Variants in LDLRAD3 observed in about 807,000 individuals in gnomAD.
The protein encoded by LDLRAD3 is low density lipoprotein receptor class A domain containing 3.
LDLRAD3 carries 20 observed loss-of-function variants against 29.4 expected under a neutral mutation model. That is an observed-to-expected ratio of 0.68 (90% confidence interval 0.48 to 0.99). LDLRAD3 has a LOEUF of 0.99. Ranked by LOEUF, LDLRAD3 falls within the 50% of genes least tolerant of loss-of-function variation. LDLRAD3 has a pLI of 0.00. For synonymous variants in LDLRAD3, 157 were observed against 192.7 expected (o/e 0.81, Z 1.53); for missense variants, 420 against 454.3 (o/e 0.92, Z 0.69).
intron 2 of LDLRAD3, among the ~76,000 whole-genome samples, chr11:36,039,854 T>C (rs562444102): frequency 1.3e-5 from 2 of 152,320 alleles, no homozygotes; most frequent in South Asian, 4.1e-4. Context: ...AAAGAACTTA[T>C]GCATAACCAG....
chr11:36,122,560 G>A (rs1252876560), intron 4 of LDLRAD3, among the ~76,000 whole-genome samples: 2 of 152,126 alleles, frequency 1.3e-5, no homozygotes, highest in Non-Finnish European at 1.5e-5. Context: ...TGACGATGAT[G>A]ATAACAATAA....
chr11:36,221,539 A>C (rs941781326), intron 4 of LDLRAD3, among the ~76,000 whole-genome samples: 2 of 152,162 alleles, frequency 1.3e-5, no homozygotes, highest in African/African-American at 2.4e-5. Flanking sequence ...GCAGTGGCAC[A>C]TGCTGCAATC....
intron 2 of LDLRAD3, among the ~76,000 whole-genome samples, chr11:36,068,547 C>T (rs1852835789): frequency 6.6e-6 from 1 of 152,100 alleles, no homozygotes; most frequent in Non-Finnish European, 1.5e-5. Flanking sequence ...GACAGAGTCT[C>T]ACTCTGTCAC....
chr11:35,961,735 T>A (rs1851280326), intron 1 of LDLRAD3, among the ~76,000 whole-genome samples: 1 of 152,216 alleles, frequency 6.6e-6, no homozygotes, highest in South Asian at 2.1e-4. Context: ...ACAATGAGAA[T>A]ATTAAAATTT....
At chr11:36,140,338 C>G (rs1222289895) in intron 4 of LDLRAD3, among the ~76,000 whole-genome samples, 1 of 152,032 alleles carries the variant, frequency 6.6e-6, no homozygotes, top group African/African-American at 2.4e-5. Flanking sequence ...TACGCTCATT[C>G]ATATCCTCAT....
At chr11:36,168,498 C>CTTTTTTTTTTTTTTTTTT (rs5791083) in intron 4 of LDLRAD3, among the ~76,000 whole-genome samples, 12 of 115,778 alleles carry the variant, frequency 1.0e-4, no homozygotes, top group Non-Finnish European at 1.6e-4. Flanking sequence ...TTTCTTTCTT[C>CTTTTTTTTTTTTTTTTTT]TTTTTTTTTT....
intron 4 of LDLRAD3, among the ~76,000 whole-genome samples, chr11:36,198,858 C>G (rs1471544044): frequency 6.6e-6 from 1 of 152,146 alleles, no homozygotes; most frequent in Admixed American, 6.5e-5. Context: ...TCTGTTTACA[C>G]ATTTGGAGGA....
chr11:36,018,567 T>C (rs1232093359), intron 1 of LDLRAD3, among the ~76,000 whole-genome samples: 2 of 152,218 alleles, frequency 1.3e-5, no homozygotes, highest in African/African-American at 4.8e-5. Context: ...CAGCCTTTTA[T>C]GTGTTTCTCC....
At chr11:35,963,919 A>G (rs1851308427) in intron 1 of LDLRAD3, among the ~76,000 whole-genome samples, 1 of 152,220 alleles carries the variant, frequency 6.6e-6, no homozygotes, top group Admixed American at 6.5e-5. Context: ...GGTGTTGTAT[A>G]GTAATGTGGT....
chr11:36,187,387 G>C (rs111940394), intron 4 of LDLRAD3, among the ~76,000 whole-genome samples: 13 of 152,058 alleles, frequency 8.5e-5, no homozygotes, highest in African/African-American at 3.1e-4. Context: ...TAGATGTGTA[G>C]ATAGAAAAAT....
At chr11:35,983,488 T>C (rs1471951067) in intron 1 of LDLRAD3, among the ~76,000 whole-genome samples, 5 of 152,198 alleles carry the variant, frequency 3.3e-5, no homozygotes, top group Non-Finnish European at 7.3e-5. Context: ...TGGCATGCAG[T>C]GCTCTCACTG....
At chr11:36,058,225 G>T (rs10836486) in intron 2 of LDLRAD3, among the ~76,000 whole-genome samples, 42,200 of 152,038 alleles carry the variant, frequency 0.28, 7,180 homozygotes, top group Middle Eastern at 0.4. Flanking sequence ...ACACCCTGGT[G>T]CTGTGGCACA....
chr11:35,974,303 A>ATT (rs1260202893), intron 1 of LDLRAD3, among the ~76,000 whole-genome samples: 1 of 144,578 alleles, frequency 6.9e-6, no homozygotes, highest in African/African-American at 2.5e-5. Flanking sequence ...ATCCAGCTTT[A>ATT]TTTTTTTTTT....
At chr11:35,967,638 A>G (rs1851358212) in intron 1 of LDLRAD3, 2 of 474,212 alleles carry the variant, frequency 4.2e-6, no homozygotes, top group Admixed American at 4.7e-5. Flanking sequence ...GTGACTCCAG[A>G]GGAGTCACTT....
Position 35,985,958 on chromosome 11 carries a change from C to T in LDLRAD3, c.46+41814C>T, listed in dbSNP as rs574415193. ...GTGTGTGGAAGGTGCAAAATCTAGG[C>T]TGGGTTGTGCCCAAGGAGAGGGCAG... is the stretch of plus-strand genomic sequence containing the variant. On this transcript the variant is annotated intron_variant, in intron 1 of 5. Coordinates refer to ENST00000315571, the MANE Select transcript of LDLRAD3 (RefSeq NM_174902.4). Among the ~76,000 whole-genome samples, 5 of 151,518 alleles carry T rather than the reference C, an allele frequency of 3.3e-5. No individual in the cohort carries two copies. In the South Asian group the frequency reaches 1.0e-3, roughly 32 times the overall value.
chr11:35,962,024 C>A (rs543866157), intron 1 of LDLRAD3, among the ~76,000 whole-genome samples: 1 of 152,154 alleles, frequency 6.6e-6, no homozygotes, highest in African/African-American at 2.4e-5. Context: ...AAATTTCAGT[C>A]CTGAAATTTC....
At chr11:36,212,289 C>A (rs1407283946) in intron 4 of LDLRAD3, among the ~76,000 whole-genome samples, 3 of 152,112 alleles carry the variant, frequency 2.0e-5, no homozygotes, top group Non-Finnish European at 2.9e-5. Context: ...AAGTCCCACC[C>A]CCTTCCCGTG....
intron 4 of LDLRAD3, among the ~76,000 whole-genome samples, chr11:36,173,684 T>A (rs1283788773): frequency 6.6e-6 from 1 of 152,142 alleles, no homozygotes; most frequent in Non-Finnish European, 1.5e-5. Flanking sequence ...TGATTTATAA[T>A]CCTTTGGGTA....
chr11:36,095,482 C>G (rs1853346881), intron 3 of LDLRAD3, among the ~76,000 whole-genome samples: 1 of 152,112 alleles, frequency 6.6e-6, no homozygotes, highest in Non-Finnish European at 1.5e-5. Flanking sequence ...ACATCCTTGG[C>G]CCTTTTTTTC....
Sources: gnomAD v4.1 joint callset for allele counts (sites outside exome capture counted in the v4.1 genomes callset) on GRCh38, gnomAD v4.1.1 for gene constraint, MANE v1.5 for transcripts, NCBI Gene and HGNC (gene_info 2026-07-23, HGNC 2026-07-21) for gene names.